The following FNDC3B variants were observed in gnomAD, a reference collection of about 807,000 sequenced individuals.
The protein encoded by FNDC3B is fibronectin type III domain containing 3B, also known as fibronectin type III domain-containing protein 3B.
A neutral mutation model predicts 151.5 loss-of-function variants in FNDC3B; 12 were observed. The observed-to-expected ratio is 0.08, with a 90% CI of 0.05 to 0.13. FNDC3B has a LOEUF of 0.13. Ranked by LOEUF, FNDC3B falls within the 10% of genes least tolerant of loss-of-function variation. The pLI, the probability that FNDC3B is intolerant of heterozygous loss-of-function variation, is 1.00. For missense variants in FNDC3B, 1,214 were observed against 1,505.3 expected, an observed-to-expected ratio of 0.81 and a Z score of 3.20; for synonymous variants, 528 against 549.0, an observed-to-expected ratio of 0.96 and a Z score of 0.54.
intron 17 of FNDC3B, among the ~76,000 whole-genome samples, chr3:172,341,930 T>G: frequency 6.6e-6 from 1 of 152,220 alleles, no homozygotes; most frequent in Middle Eastern, 3.2e-3. Context: ...TCTAAATGGT[T>G]TTAACTTACA....
intron 21 of FNDC3B, among the ~76,000 whole-genome samples, chr3:172,348,983 A>G (rs1315833120): frequency 6.6e-6 from 1 of 152,210 alleles, no homozygotes; most frequent in African/African-American, 2.4e-5. Context: ...TTTTTTGAAT[A>G]TATGGCACTT....
intron 3 of FNDC3B, among the ~76,000 whole-genome samples, chr3:172,186,510 A>G (rs531193892): frequency 6.6e-6 from 1 of 152,352 alleles, no homozygotes; most frequent in African/African-American, 2.4e-5. Flanking sequence ...GACAAACTAC[A>G]TAAACCTGAG....
chr3:172,313,255 C>T (rs1198166305), intron 11 of FNDC3B, among the ~76,000 whole-genome samples: 7 of 152,164 alleles, frequency 4.6e-5, no homozygotes, highest in Admixed American at 1.3e-4. Context: ...TAAGGCACTC[C>T]CTTGCCTTTG....
chr3:172,310,276 C>T (rs1009433644), intron 10 of FNDC3B, among the ~76,000 whole-genome samples: 3 of 152,170 alleles, frequency 2.0e-5, no homozygotes, highest in African/African-American at 4.8e-5. Context: ...CCTCTGCTAA[C>T]GTATGAAGGA....
chr3:172,369,916 T>G (rs1734805903), intron 23 of FNDC3B, among the ~76,000 whole-genome samples: 1 of 151,722 alleles, frequency 6.6e-6, no homozygotes, highest in African/African-American at 2.4e-5. Flanking sequence ...TTTCTCTCTC[T>G]CATTCATACA....
chr3:172,255,437 T>C (rs1453188427), intron 6 of FNDC3B, among the ~76,000 whole-genome samples: 1 of 152,178 alleles, frequency 6.6e-6, no homozygotes, highest in Non-Finnish European at 1.5e-5. Context: ...CTTGGCTAAC[T>C]TTTTGCATTT....
intron 3 of FNDC3B, among the ~76,000 whole-genome samples, chr3:172,219,519 T>C (rs1398844245): frequency 6.6e-6 from 1 of 152,242 alleles, no homozygotes; most frequent in Non-Finnish European, 1.5e-5. Context: ...TAAATACACC[T>C]ATTCACAATG....
At chr3:172,062,981 G>A (rs1717290335) in intron 1 of FNDC3B, among the ~76,000 whole-genome samples, 1 of 152,138 alleles carries the variant, frequency 6.6e-6, no homozygotes, top group African/African-American at 2.4e-5. Flanking sequence ...TGAAATTGGT[G>A]TATGATCTAA....
chr3:172,376,938 A>C (rs1471334372), intron 23 of FNDC3B, among the ~76,000 whole-genome samples: 2 of 152,178 alleles, frequency 1.3e-5, no homozygotes, highest in African/African-American at 4.8e-5. Flanking sequence ...CCATTCATCC[A>C]TCCAGAGGGA....
At chr3:172,355,462 C>T (rs1193540921) in intron 22 of FNDC3B, among the ~76,000 whole-genome samples, 2 of 152,112 alleles carry the variant, frequency 1.3e-5, no homozygotes, top group African/African-American at 2.4e-5. Context: ...CCTGGGAACT[C>T]GATAAAATGC....
chr3:172,196,796 C>G lies in FNDC3B; in HGVS notation c.188-30075C>G, dbSNP rs1323889679. Among the ~76,000 whole-genome samples, 5 of 152,286 alleles carry G rather than the reference C, an allele frequency of 3.3e-5. No homozygotes were observed. The East Asian group carries it at 9.6e-4, about 29-fold the overall frequency. On this transcript the variant is annotated intron_variant, in intron 3 of 25. Coordinates refer to ENST00000415807, the MANE Select transcript of FNDC3B (RefSeq NM_022763.4). ...TTCGCTTTTTCTTGTCCAAAGAAGACAGCCGGAGCTCTCAGAGTAAGTGAG... is the reference window on the plus strand; with the variant it reads ...TTCGCTTTTTCTTGTCCAAAGAAGAGAGCCGGAGCTCTCAGAGTAAGTGAG...
chr3:172,295,391 T>C lies in FNDC3B; in HGVS notation c.878T>C (p.Val293Ala), dbSNP rs768908474. ...TCTAATATTCAGGCAAGAGCAGTTG[T>C]GTTGTCCTGGGCTCCCCCTGTTGGA... The part of the protein sequence containing the change: ...QVSNIQARAV[V>A]LSWAPPVGLS... Residue 293 changes from valine (V) to alanine (A), a missense_variant, in exon 8 of 26, where the codon GTG becomes GCG. Val to Ala is a moderately conservative substitution (Grantham distance 64). Coordinates refer to ENST00000415807, the MANE Select transcript of FNDC3B (RefSeq NM_022763.4). The C allele has an allele frequency of 6.2e-7, 1 of 1,613,890 alleles. No individual in the cohort carries two copies. Among genetic ancestry groups the C allele is most frequent in the South Asian group, 1.1e-5 (1 of 90,994 alleles).
chr3:172,388,646 G>A (rs949829761), intron 25 of FNDC3B, among the ~76,000 whole-genome samples: 1 of 152,180 alleles, frequency 6.6e-6, no homozygotes, highest in Admixed American at 6.5e-5. Flanking sequence ...CTGGCGACAT[G>A]GTGATTTTTG....
intron 15 of FNDC3B, among the ~76,000 whole-genome samples, chr3:172,336,660 G>A (rs776972908): frequency 2.2e-4 from 33 of 151,556 alleles, no homozygotes; most frequent in Non-Finnish European, 4.4e-4. Flanking sequence ...CAGCACTTTG[G>A]GAGGCTGAGG....
At chr3:172,211,225 G>A (rs1725718407) in intron 3 of FNDC3B, among the ~76,000 whole-genome samples, 1 of 152,174 alleles carries the variant, frequency 6.6e-6, no homozygotes, top group South Asian at 2.1e-4. Context: ...GGAATACTAA[G>A]GATTTCAATA....
intron 3 of FNDC3B, among the ~76,000 whole-genome samples, chr3:172,214,717 C>G (rs1353492278): frequency 3.3e-5 from 5 of 152,154 alleles, no homozygotes. Context: ...GTCCATACAT[C>G]CTGGACATTT....
chr3:172,392,317 A>G (rs1217115726), intron 25 of FNDC3B, among the ~76,000 whole-genome samples: 1 of 152,242 alleles, frequency 6.6e-6, no homozygotes, highest in East Asian at 1.9e-4. Flanking sequence ...GAATGTGCTT[A>G]AAGTCTTATA....
At chr3:172,098,754 G>GTGAACAACACTGGCTTTGTTGACCC (rs1719219392) in intron 1 of FNDC3B, among the ~76,000 whole-genome samples, 2 of 152,224 alleles carry the variant, frequency 1.3e-5, no homozygotes, top group African/African-American at 4.8e-5. Flanking sequence ...GGGAATGGTT[G>GTGAACAACACTGGCTTTGTTGACCC]TGAACAACAC....
intron 3 of FNDC3B, among the ~76,000 whole-genome samples, chr3:172,182,294 C>T (rs1316767781): frequency 1.3e-5 from 2 of 152,172 alleles, no homozygotes; most frequent in East Asian, 3.8e-4. Context: ...AAGCATGAGT[C>T]AGGCTGGTGG....
Sources: gnomAD v4.1 joint callset for allele counts (sites outside exome capture counted in the v4.1 genomes callset) on GRCh38, gnomAD v4.1.1 for gene constraint, MANE v1.5 for transcripts, NCBI Gene and HGNC (gene_info 2026-07-23, HGNC 2026-07-21) for gene names.